The following COL21A1 variants were observed in gnomAD, a reference collection of about 807,000 sequenced individuals.
The protein encoded by COL21A1 is collagen type XXI alpha 1 chain.
COL21A1 carries 149 observed loss-of-function variants against 137.9 expected under a neutral mutation model. The ratio of observed to expected loss-of-function variants is 1.08; its 90% CI spans 0.95 to 1.24. The LOEUF is 1.24. Among genes scored for constraint, COL21A1 ranks in the 50% most tolerant of loss-of-function variants. The pLI is 0.00. For synonymous variants in COL21A1, 456 were observed against 391.5 expected (o/e 1.16, Z -1.95); for missense variants, 1,167 against 1,158.4 (o/e 1.01, Z -0.11).
intron 1 of COL21A1, among the ~76,000 whole-genome samples, chr6:56,291,493 C>G (rs1764042341): frequency 1.3e-5 from 2 of 152,216 alleles, no homozygotes; most frequent in Admixed American, 6.5e-5. Context: ...CAGTCTCCCC[C>G]TGGCACCCAC....
intron 1 of COL21A1, chr6:56,276,889 GCTCTGC>G (rs1322568943): frequency 5.3e-5 from 26 of 492,184 alleles, no homozygotes; most frequent in Non-Finnish European, 8.7e-5. Flanking sequence ...CTCACTGCAA[GCTCTGC>G]CTCCCGGGTT....
chr6:56,193,902 G>A (rs1348011897), intron 1 of COL21A1, among the ~76,000 whole-genome samples: 4 of 151,994 alleles, frequency 2.6e-5, no homozygotes. Context: ...CTACAGGCGT[G>A]CGACACCATG....
At chr6:56,267,077 T>A (rs999413202) in intron 1 of COL21A1, among the ~76,000 whole-genome samples, 6 of 152,232 alleles carry the variant, frequency 3.9e-5, no homozygotes, top group Admixed American at 3.3e-4. Context: ...TAATTCTCTA[T>A]ATGGCAGACA....
chr6:56,059,929 G>T, intron 28 of COL21A1, 89 bp downstream of exon 28: 1 of 883,766 alleles, frequency 1.1e-6, no homozygotes, highest in Non-Finnish European at 1.7e-6. Context: ...CATGAAAAAA[G>T]TTAACTCGAC....
At chr6:56,329,458 C>A (rs1049576904) in intron 1 of COL21A1, among the ~76,000 whole-genome samples, 5 of 152,030 alleles carry the variant, frequency 3.3e-5, no homozygotes, top group Non-Finnish European at 7.4e-5. Context: ...CACATTGGAC[C>A]ATTTCCTATC....
At chr6:56,217,170 T>A (rs2152310018) in intron 1 of COL21A1, among the ~76,000 whole-genome samples, 1 of 152,238 alleles carries the variant, frequency 6.6e-6, no homozygotes, top group South Asian at 2.1e-4. Context: ...AGTATATTGC[T>A]AGCTTTTTAA....
chr6:56,151,042 T>G (rs1180004273), intron 10 of COL21A1, among the ~76,000 whole-genome samples: 1 of 147,844 alleles, frequency 6.8e-6, no homozygotes, highest in East Asian at 2.0e-4. Flanking sequence ...GCTAACATGG[T>G]GAAACCCCAT....
intron 12 of COL21A1, among the ~76,000 whole-genome samples, chr6:56,127,908 C>T (rs4452633): frequency 0.5 from 76,161 of 151,960 alleles, 19,525 homozygotes; most frequent in East Asian, 0.73. Context: ...GCTAGGTACT[C>T]TATAGGCCTT....
At position 56,060,925 on chromosome 6, in the gene COL21A1, C is replaced by A; in HGVS notation, c.2318G>T (p.Gly773Val). The change falls in exon 26 of 30, where the codon GGT (glycine) becomes GTT (valine). Residue 773 changes from glycine (G) to valine (V), a missense_variant. Physicochemically the swap from Gly to Val is moderately radical, Grantham distance 109. Coordinates refer to ENST00000244728, the MANE Select transcript of COL21A1 (RefSeq NM_030820.4). ...ATCCAAACCTGGGGGTCCCTGAGGA[C>A]CTGGATCCCCAGGTTGCCCCTTAGG... ...AGPKGQPGDPGPQGPPGLDGK... is the reference protein window; with the variant it reads ...AGPKGQPGDPVPQGPPGLDGK... 1 of 1,579,998 alleles carries A rather than the reference C, an allele frequency of 6.3e-7. No homozygotes were observed. The highest frequency in any genetic ancestry group is 8.6e-7 in the Non-Finnish European group (1 of 1,168,620).
At chr6:56,290,496 G>T (rs1368018332) in intron 1 of COL21A1, among the ~76,000 whole-genome samples, 1 of 86,462 alleles carries the variant, frequency 1.2e-5, no homozygotes, top group African/African-American at 4.9e-5. Flanking sequence ...AATCACTTAG[G>T]AGATTTTTTT....
At chr6:56,229,063 C>T (rs1182468726) in intron 1 of COL21A1, among the ~76,000 whole-genome samples, 4 of 151,764 alleles carry the variant, frequency 2.6e-5, no homozygotes, top group African/African-American at 7.3e-5. Flanking sequence ...TTTTTTGATG[C>T]TTTCCAACTT....
At chr6:56,212,724 C>T (rs536046187) in intron 1 of COL21A1, among the ~76,000 whole-genome samples, 1 of 151,916 alleles carries the variant, frequency 6.6e-6, no homozygotes, top group Admixed American at 6.6e-5. Flanking sequence ...ATCATTTTCA[C>T]CTCACTTAAT....
chr6:56,363,723 G>T (rs896624101), intron 1 of COL21A1, among the ~76,000 whole-genome samples: 1 of 152,198 alleles, frequency 6.6e-6, no homozygotes, highest in Non-Finnish European at 1.5e-5. Flanking sequence ...GTGTGTTTCA[G>T]GAAGCTTAGC....
chr6:56,160,647 C>G (rs1023455100), intron 9 of COL21A1, among the ~76,000 whole-genome samples: 1 of 152,102 alleles, frequency 6.6e-6, no homozygotes, highest in African/African-American at 2.4e-5. Context: ...AATATGTACT[C>G]AGCTGAAAAG....
chr6:56,304,541 T>G (rs1178784996), intron 1 of COL21A1, among the ~76,000 whole-genome samples: 1 of 152,264 alleles, frequency 6.6e-6, no homozygotes, highest in Non-Finnish European at 1.5e-5. Context: ...CAGTATTCTC[T>G]GATGGTAGTT....
In COL21A1 at chr6:56,057,407, T is replaced by G. The variant is rs1765425855; in HGVS notation, c.*250A>C. 2.3e-6 allele frequency: 1 copy of G among 436,854 alleles called. No homozygotes were observed. Among genetic ancestry groups the G allele is most frequent in the Non-Finnish European group, 4.0e-6 (1 of 248,482 alleles). The allele number at this position is 436,854 out of a possible 1,614,324, so 27.1% of individuals were successfully genotyped here. On this transcript the variant is annotated 3_prime_UTR_variant, in exon 30 of 30. Coordinates refer to ENST00000244728, the MANE Select transcript of COL21A1 (RefSeq NM_030820.4). ...GTGGATTTTTATATTCAACTTTGAT[T>G]AACATAAATGGACTTTACAAGAAAC...
chr6:56,250,699 T>C (rs1050615962), upstream of COL21A1, among the ~76,000 whole-genome samples: 18 of 152,178 alleles, frequency 1.2e-4, no homozygotes, highest in African/African-American at 3.6e-4. Context: ...ATTAACTATT[T>C]GTGATGTTTT....
intron 1 of COL21A1, among the ~76,000 whole-genome samples, chr6:56,290,578 C>T (rs763785501): frequency 6.8e-6 from 1 of 148,010 alleles, no homozygotes; most frequent in Non-Finnish European, 1.5e-5. Context: ...CGGCTCACTG[C>T]AACCTCCGCT....
chr6:56,198,295 C>T (rs1167990645), intron 1 of COL21A1, among the ~76,000 whole-genome samples: 2 of 151,914 alleles, frequency 1.3e-5, no homozygotes, highest in African/African-American at 4.8e-5. Flanking sequence ...ACCTAATGTA[C>T]AGCATAGTAA....
Sources: allele counts gnomAD v4.1 joint callset (sites outside exome capture counted in the v4.1 genomes callset), GRCh38; gene constraint gnomAD v4.1.1; transcripts MANE v1.5; gene names NCBI Gene and HGNC (gene_info 2026-07-23, HGNC 2026-07-21).